Variants in HEPHL1 observed in about 807,000 individuals in gnomAD.
HEPHL1 encodes the protein ferroxidase HEPHL1.
In HEPHL1, 123 loss-of-function variants were observed where a neutral mutation model predicts 122.0. That is an observed-to-expected ratio of 1.01 (90% CI 0.87 to 1.17). The LOEUF (loss-of-function observed/expected upper bound fraction) is 1.17. Among genes scored for constraint, HEPHL1 ranks in the 50% most tolerant of loss-of-function variants. HEPHL1 has a pLI of 0.00. For synonymous variants in HEPHL1, 527 were observed against 508.9 expected (o/e 1.04, Z -0.48); for missense variants, 1,452 against 1,430.5 (o/e 1.01, Z -0.24).
At chr11:94,094,504 G>A (rs935355446) in intron 13 of HEPHL1, among the ~76,000 whole-genome samples, 1 of 152,132 alleles carries the variant, frequency 6.6e-6, no homozygotes, top group Non-Finnish European at 1.5e-5. Context: ...AACCCTTTGG[G>A]TATATATCCA....
intron 14 of HEPHL1, among the ~76,000 whole-genome samples, chr11:94,101,989 G>A (rs1482156935): frequency 1.3e-5 from 2 of 152,170 alleles, no homozygotes; most frequent in African/African-American, 4.8e-5. Context: ...ATAGTGTACT[G>A]TTATAATTGT....
intron 1 of HEPHL1, among the ~76,000 whole-genome samples, chr11:94,035,822 C>T (rs1200749322): frequency 2.6e-5 from 4 of 152,156 alleles, no homozygotes; most frequent in East Asian, 1.9e-4. Context: ...CTGCAAGCTC[C>T]GCCTCCTGGG....
chr11:94,093,038 C>T (rs2038789872), intron 12 of HEPHL1, among the ~76,000 whole-genome samples: 1 of 151,838 alleles, frequency 6.6e-6, no homozygotes, highest in Non-Finnish European at 1.5e-5. Context: ...AAAAGCATTA[C>T]CATGTACAGA....
At chr11:94,031,566 T>C (rs188778706) in intron 1 of HEPHL1, among the ~76,000 whole-genome samples, 96 of 152,294 alleles carry the variant, frequency 6.3e-4, no homozygotes, top group African/African-American at 2.2e-3. Context: ...TCAAAATCAT[T>C]CTCTAATTTT....
chr11:94,044,976 G>T (rs1029874337), intron 1 of HEPHL1, among the ~76,000 whole-genome samples: 55 of 151,888 alleles, frequency 3.6e-4, no homozygotes, highest in African/African-American at 1.2e-3. Flanking sequence ...CATGATCATG[G>T]CTCACTGCAG....
At chr11:94,021,663 T>C in intron 1 of HEPHL1, 125 bp downstream of exon 1, 1 of 758,616 alleles carries the variant, frequency 1.3e-6, no homozygotes, top group Non-Finnish European at 2.2e-6. Flanking sequence ...AGAAGGTGTT[T>C]TGTTTTTTGC....
At chr11:94,089,119 T>C (rs1946243662) in intron 12 of HEPHL1, among the ~76,000 whole-genome samples, 151 bp downstream of exon 12, 1 of 152,168 alleles carries the variant, frequency 6.6e-6, no homozygotes, top group Non-Finnish European at 1.5e-5. Flanking sequence ...TTAGGGAAGC[T>C]GCCCACCTCG....
At chr11:94,023,045 T>G (rs1159172908) in intron 1 of HEPHL1, among the ~76,000 whole-genome samples, 1 of 152,168 alleles carries the variant, frequency 6.6e-6, no homozygotes, top group Non-Finnish European at 1.5e-5. Flanking sequence ...ACCCAAAAAT[T>G]CTATGAGGGA....
At chr11:94,037,279 G>GT (rs1243294016) in intron 1 of HEPHL1, among the ~76,000 whole-genome samples, 4 of 152,012 alleles carry the variant, frequency 2.6e-5, no homozygotes, top group African/African-American at 9.7e-5. Flanking sequence ...CAAGGCGGCA[G>GT]CGAGGCTGGG....
intron 10 of HEPHL1, among the ~76,000 whole-genome samples, chr11:94,083,537 A>G (rs112880817): frequency 0.014 from 2,115 of 152,364 alleles, 22 homozygotes; most frequent in Middle Eastern, 0.027. Context: ...ACGTAAGACA[A>G]CAGGTGCTAA....
intron 2 of HEPHL1, chr11:94,055,927 A>T (rs960383220): frequency 4.7e-6 from 6 of 1,282,778 alleles, no homozygotes; most frequent in Non-Finnish European, 6.5e-6. Context: ...GTAACAGCTA[A>T]GGCCAGGCCA....
chr11:94,060,757 TTCTAA>T (rs1252050941), intron 2 of HEPHL1, among the ~76,000 whole-genome samples: 1 of 152,204 alleles, frequency 6.6e-6, no homozygotes, highest in Non-Finnish European at 1.5e-5. Context: ...ATGCTGGACC[TTCTAA>T]TCTATATTAA....
chr11:94,062,138 A>T (rs1945989276), intron 2 of HEPHL1, among the ~76,000 whole-genome samples: 1 of 152,218 alleles, frequency 6.6e-6, no homozygotes, highest in Non-Finnish European at 1.5e-5. Context: ...TAAGTGAATA[A>T]ATAAGTAGAA....
At chr11:94,096,191 C>T (rs1946311734) in intron 13 of HEPHL1, among the ~76,000 whole-genome samples, 1 of 152,102 alleles carries the variant, frequency 6.6e-6, no homozygotes, top group Non-Finnish European at 1.5e-5. Flanking sequence ...TGAGATACAT[C>T]CCATGAATAC....
chr11:94,088,963 G>A lies in HEPHL1; in HGVS notation c.2289G>A (p.Gly763=). The A allele has an allele frequency of 1.2e-6, 2 of 1,613,922 alleles. No homozygotes were observed. Among genetic ancestry groups the A allele is most frequent in the African/African-American group, 1.3e-5 (1 of 75,028 alleles). The change falls in exon 12 of 20, where the codon GGG becomes GGA. Residue 763 remains glycine (G), a synonymous_variant. Coordinates refer to ENST00000315765, the MANE Select transcript of HEPHL1 (RefSeq NM_001098672.2). ...EFEKQHVDAR[G]ERHGDIFMNR... ...AAAAGCAGCACGTGGACGCAAGAGG[G>A]GAAAGGTACCACAGGCGCCGCCGCT...
At position 94,086,189 on chromosome 11, in the gene HEPHL1, G is replaced by C. The variant is rs374524005; in HGVS notation, c.2080G>C (p.Gly694Arg). The part of the protein sequence containing the change: ...TTAFMQPDHA[G>R]IFRVFCATMP... ...AGCATTCATGCAGCCAGACCATGCA[G>C]GTAAACTTGCTGGGTCCATCTCAGG... Residue 694 changes from glycine to arginine, a missense_variant and splice_region_variant, in exon 11 of 20, where the codon GGT (glycine) becomes CGT (arginine). Gly to Arg is a moderately radical substitution (Grantham distance 125). Coordinates refer to ENST00000315765, the MANE Select transcript of HEPHL1 (RefSeq NM_001098672.2). 2 of 1,606,142 alleles carry C rather than the reference G, an allele frequency of 1.2e-6. No individual in the cohort carries two copies. The highest frequency in any genetic ancestry group is 2.7e-5 in the African/African-American group (2 of 74,698).
intron 13 of HEPHL1, among the ~76,000 whole-genome samples, chr11:94,098,675 C>T (rs944733754): frequency 6.6e-6 from 1 of 152,226 alleles, no homozygotes; most frequent in African/African-American, 2.4e-5. Context: ...TTGGTCTTTT[C>T]ACATAGTCCT....
chr11:94,064,927 C>G (rs1247423523), intron 4 of HEPHL1, among the ~76,000 whole-genome samples: 1 of 152,140 alleles, frequency 6.6e-6, no homozygotes, highest in African/African-American at 2.4e-5. Flanking sequence ...ATTTTCTGAG[C>G]CGCTGATAAA....
rs182610822 is a variant in HEPHL1 at position 94,021,508 on chromosome 11, T to C, written c.140T>C (p.Val47Ala). Residue 47 changes from valine to alanine, a missense_variant, in exon 1 of 20, where the codon GTT becomes GCT. Transcript: ENST00000315765. ...YWNYVPQGKN[V>A]ITGKSFTEDK... Reference sequence around the variant, plus strand: ...AACTATGTACCCCAAGGGAAGAATGTTATTACTGGGAAAAGTTTCACAGAA... The same window carrying C: ...AACTATGTACCCCAAGGGAAGAATGCTATTACTGGGAAAAGTTTCACAGAA... 28 of 1,610,872 alleles carry C rather than the reference T, an allele frequency of 1.7e-5. No individual in the cohort carries two copies. In the East Asian group the frequency reaches 5.1e-4, roughly 30 times the overall value.
Sources: gnomAD v4.1 joint callset for allele counts (sites outside exome capture counted in the v4.1 genomes callset) on GRCh38, gnomAD v4.1.1 for gene constraint, MANE v1.5 for transcripts, NCBI Gene and HGNC (gene_info 2026-07-23, HGNC 2026-07-21) for gene names.